The following SHISA9 variants were observed in gnomAD, a reference collection of about 807,000 sequenced individuals.
The protein encoded by SHISA9 is protein shisa-9.
Under a neutral mutation model 38.0 loss-of-function variants are expected in SHISA9, and 13 were observed. The observed-to-expected ratio is 0.34, with a 90% CI of 0.22 to 0.54. SHISA9 has a LOEUF of 0.54. Among genes scored for constraint, SHISA9 ranks in the 20% least tolerant of loss-of-function variants. The pLI is 0.91. For missense variants in SHISA9, 538 were observed against 575.8 expected (o/e 0.93, Z 0.67); for synonymous variants, 275 against 242.0 (o/e 1.14, Z -1.27).
chr16:13,159,066 A>T (rs1021778971), intron 2 of SHISA9, among the ~76,000 whole-genome samples: 2 of 151,768 alleles, frequency 1.3e-5, no homozygotes, highest in African/African-American at 4.8e-5. Flanking sequence ...CTCAAAAAAA[A>T]AAAAAACAAA....
At chr16:13,340,464 C>T in the SHISA9 span, among the ~76,000 whole-genome samples, 3 of 152,102 alleles carry the variant, frequency 2.0e-5, no homozygotes, top group South Asian at 6.2e-4. Context: ...CCTCAGTGGC[C>T]GTGTTCCTGC....
the SHISA9 span, among the ~76,000 whole-genome samples, chr16:13,545,600 C>A: frequency 3.3e-5 from 5 of 152,280 alleles, no homozygotes; most frequent in East Asian, 9.7e-4. Flanking sequence ...TGAGGTCTTG[C>A]TGCTTGTGAA....
intron 2 of SHISA9, among the ~76,000 whole-genome samples, chr16:13,189,034 G>A (rs2050857385): frequency 6.6e-6 from 1 of 152,170 alleles, no homozygotes; most frequent in Admixed American, 6.5e-5. Context: ...GTCAAAGGTT[G>A]CCAGGTAACC....
intron 2 of SHISA9, among the ~76,000 whole-genome samples, chr16:12,917,698 A>G (rs373474224): frequency 6.6e-6 from 1 of 152,228 alleles, no homozygotes; most frequent in Admixed American, 6.5e-5. Flanking sequence ...CATTAAAGTA[A>G]TGTGGAGGGT....
intron 2 of SHISA9, among the ~76,000 whole-genome samples, chr16:13,177,566 A>G (rs1319599150): frequency 6.6e-6 from 1 of 152,168 alleles, no homozygotes; most frequent in Non-Finnish European, 1.5e-5. Context: ...AATTGAAAGC[A>G]TATATCTACT....
chr16:13,001,038 C>G (rs1281927710), intron 2 of SHISA9, among the ~76,000 whole-genome samples: 1 of 152,168 alleles, frequency 6.6e-6, no homozygotes, highest in Non-Finnish European at 1.5e-5. Flanking sequence ...AGCGATTCTC[C>G]TGCCTCACCC....
chr16:13,420,758 C>T, the SHISA9 span, among the ~76,000 whole-genome samples: 29 of 152,248 alleles, frequency 1.9e-4, no homozygotes, highest in Admixed American at 3.3e-4. Context: ...TCCCCAGAAA[C>T]GCACAAATGC....
intron 2 of SHISA9, among the ~76,000 whole-genome samples, chr16:13,121,227 G>A (rs1179264995): frequency 6.6e-6 from 1 of 152,068 alleles, no homozygotes. Flanking sequence ...GGTGGCTCAC[G>A]CCCGTAATCA....
intron 2 of SHISA9, among the ~76,000 whole-genome samples, chr16:13,125,453 C>T (rs1185278052): frequency 6.6e-6 from 1 of 152,172 alleles, no homozygotes; most frequent in African/African-American, 2.4e-5. Context: ...TGAGTCTCTA[C>T]TTCTTTCCTG....
At chr16:13,308,766 A>G in the SHISA9 span, among the ~76,000 whole-genome samples, 16 of 152,240 alleles carry the variant, frequency 1.1e-4, no homozygotes, top group African/African-American at 2.7e-4. Flanking sequence ...TAGGGATGGA[A>G]AAATCCCACC....
the SHISA9 span, among the ~76,000 whole-genome samples, chr16:13,383,124 G>A: frequency 2.6e-5 from 4 of 152,134 alleles, no homozygotes; most frequent in East Asian, 7.7e-4. Context: ...TAGGTCAAGC[G>A]ATACAAAATG....
At chr16:13,128,204 A>G (rs941096148) in intron 2 of SHISA9, among the ~76,000 whole-genome samples, 4 of 152,182 alleles carry the variant, frequency 2.6e-5, no homozygotes, top group Non-Finnish European at 4.4e-5. Flanking sequence ...TAGCACAAAA[A>G]GGCTCTCCTG....
chr16:13,080,595 A>C (rs1180135260), intron 2 of SHISA9, among the ~76,000 whole-genome samples: 1 of 152,200 alleles, frequency 6.6e-6, no homozygotes, highest in South Asian at 2.1e-4. Context: ...AAAGAAGAGC[A>C]GGATTGAGAG....
At chr16:13,106,221 C>T (rs1025448977) in intron 2 of SHISA9, among the ~76,000 whole-genome samples, 1 of 152,126 alleles carries the variant, frequency 6.6e-6, no homozygotes, top group African/African-American at 2.4e-5. Context: ...TGAATTATAG[C>T]ATATTTTATA....
At chr16:13,289,902 A>C in the SHISA9 span, among the ~76,000 whole-genome samples, 1 of 152,214 alleles carries the variant, frequency 6.6e-6, no homozygotes, top group African/African-American at 2.4e-5. Flanking sequence ...TATTTGAATA[A>C]TCCTGACTAA....
At chr16:13,137,083 C>G (rs536788847) in intron 2 of SHISA9, among the ~76,000 whole-genome samples, 2 of 152,188 alleles carry the variant, frequency 1.3e-5, no homozygotes, top group African/African-American at 2.4e-5. Flanking sequence ...AGAATGTATC[C>G]TTTCCCTTTC....
At position 12,905,532 on chromosome 16, in the gene SHISA9, T is replaced by C. The variant is rs2071080872; in HGVS notation, c.563+2905T>C. On this transcript the variant is annotated intron_variant, in intron 1 of 4. Transcript: ENST00000558583. Reference sequence around the variant, plus strand: ...GTTTGGGGATATTTCACAGGGCTGATGGAGGGATAAATTAATCCAGGAGAA... The same window carrying C: ...GTTTGGGGATATTTCACAGGGCTGACGGAGGGATAAATTAATCCAGGAGAA... 2.0e-5 allele frequency among the ~76,000 whole-genome samples: 3 copies of C among 151,898 alleles called. No homozygotes were observed. The South Asian group carries it at 6.2e-4, about 32-fold the overall frequency.
chr16:13,029,599 C>A (rs1383042691), intron 2 of SHISA9, among the ~76,000 whole-genome samples: 1 of 152,272 alleles, frequency 6.6e-6, no homozygotes, highest in South Asian at 2.1e-4. Flanking sequence ...CAGAATGAGA[C>A]CCTGTCTAAA....
chr16:13,418,712 C>T, the SHISA9 span, among the ~76,000 whole-genome samples: 1 of 152,182 alleles, frequency 6.6e-6, no homozygotes, highest in East Asian at 1.9e-4. Flanking sequence ...TGATTTTATT[C>T]ACCTCCTGCA....
Sources: allele counts gnomAD v4.1 joint callset (sites outside exome capture counted in the v4.1 genomes callset), GRCh38; gene constraint gnomAD v4.1.1; transcripts MANE v1.5; gene names NCBI Gene and HGNC (gene_info 2026-07-23, HGNC 2026-07-21).